NKAIN4: variants seen among roughly 807,000 people sequenced by gnomAD.
The protein encoded by NKAIN4 is sodium/potassium-transporting ATPase subunit beta-1-interacting protein 4.
NKAIN4 carries 28 observed loss-of-function variants against 28.8 expected under a neutral mutation model. The ratio of observed to expected loss-of-function variants is 0.97; its 90% CI spans 0.72 to 1.33. The LOEUF (loss-of-function observed/expected upper bound fraction) is 1.33, where lower values mean the gene tolerates loss of function less well. Among genes scored for constraint, NKAIN4 ranks in the 40% most tolerant of loss-of-function variants. The pLI, the probability that NKAIN4 is intolerant of heterozygous loss-of-function variation, is 0.00. For synonymous variants in NKAIN4, 122 were observed against 115.6 expected, an observed-to-expected ratio of 1.06 and a Z score of -0.36; for missense variants, 289 against 277.2, an observed-to-expected ratio of 1.04 and a Z score of -0.30.
At chr20:63,253,665 G>A (rs987135922) in intron 1 of NKAIN4, among the ~76,000 whole-genome samples, 2 of 152,184 alleles carry the variant, frequency 1.3e-5, no homozygotes, top group South Asian at 4.1e-4. Context: ...ACCGGGCTCC[G>A]GGAAAGAATC....
At chr20:63,254,368 A>T in intron 1 of NKAIN4, 29 bp downstream of exon 1, 1 of 1,436,658 alleles carries the variant, frequency 7.0e-7, no homozygotes, top group South Asian at 1.4e-5. Flanking sequence ...CGGGGGCTCC[A>T]GGAGGCTCGC....
chr20:63,241,654 G>T, intron 6 of NKAIN4, 148 bp from the exon 7 acceptor site: 1 of 747,644 alleles, frequency 1.3e-6, no homozygotes, highest in Non-Finnish European at 2.4e-6. Context: ...AGATGGGTGG[G>T]ACTGAGGCTC....
At chr20:63,253,706 C>G (rs1225184699) in intron 1 of NKAIN4, among the ~76,000 whole-genome samples, 1 of 152,192 alleles carries the variant, frequency 6.6e-6, no homozygotes, top group African/African-American at 2.4e-5. Flanking sequence ...GAGCTTCGGA[C>G]TCCGGGGCAG....
At chr20:63,253,077 T>A (rs1320975931) in intron 1 of NKAIN4, 2 of 377,158 alleles carry the variant, frequency 5.3e-6, no homozygotes, top group Non-Finnish European at 7.3e-6. Flanking sequence ...TGGGGTACCG[T>A]CCAGGCTGGT....
Position 63,247,767 on chromosome 20 carries a change from C to G in NKAIN4, c.282G>C (p.Glu94Asp). ...GCCGGGAGAGGCTGAAGGTCAGTAG[C>G]TCGCTGTCCTAGGGGAGAGGTGCAG... The part of the protein sequence containing the change: ...LEVGGLLKDS[E>D]LLTFSLSRHR... Residue 94 changes from glutamate to aspartate, a missense_variant, in exon 4 of 7, where the codon GAG becomes GAC. Glu to Asp is a conservative substitution (Grantham distance 45). Transcript: ENST00000370316. 1 of 1,461,746 alleles carries G rather than the reference C, an allele frequency of 6.8e-7. No individual in the cohort carries two copies. The highest frequency in any genetic ancestry group is 9.1e-7 in the Non-Finnish European group (1 of 1,102,272). The allele number at this position is 1,461,746 out of a possible 1,614,324, so 90.5% of individuals were successfully genotyped here.
chr20:63,246,861 GGAGCTGAGGCACACGGA>G, intron 4 of NKAIN4: 1 of 985,348 alleles, frequency 1.0e-6, no homozygotes, highest in African/African-American at 1.7e-5. Context: ...TACAGAGGCG[GGAGCTGAGGCACACGGA>G]GGTTGTTAGG....
intron 3 of NKAIN4, chr20:63,248,562 C>T: frequency 2.2e-6 from 1 of 461,036 alleles, no homozygotes; most frequent in South Asian, 2.3e-5. Flanking sequence ...CCCCTCTTCC[C>T]CAGCTGGAGC....
Position 63,248,712 on chromosome 20 carries a change from C to T in NKAIN4, c.273+103G>A, listed in dbSNP as rs2066903143. 6 of 754,874 alleles carry T rather than the reference C, an allele frequency of 7.9e-6. No individual in the cohort carries two copies. In the East Asian group the frequency reaches 1.1e-4, roughly 13 times the overall value. 46.8% of individuals were successfully genotyped at this position (754,874 alleles called of 1,614,324 possible). On this transcript the variant is annotated intron_variant, in intron 3 of 6. Coordinates refer to ENST00000370316, the MANE Select transcript of NKAIN4 (RefSeq NM_152864.4). ...GACAGAGCCATGCACAGACTGAGCCCCTGCCTCAGACGACAGATGAAAAGC... is the reference window on the plus strand; with the variant it reads ...GACAGAGCCATGCACAGACTGAGCCTCTGCCTCAGACGACAGATGAAAAGC...
intron 6 of NKAIN4, chr20:63,241,787 C>T (rs1275675923): frequency 1.6e-6 from 1 of 626,864 alleles, no homozygotes; most frequent in Admixed American, 2.2e-5. Flanking sequence ...CAGGGGTGTG[C>T]CTGGGTCCCT....
chr20:63,251,915 C>T (rs544496284), intron 1 of NKAIN4, among the ~76,000 whole-genome samples: 82 of 152,272 alleles, frequency 5.4e-4, no homozygotes, highest in Admixed American at 2.2e-3. Flanking sequence ...CACTAACCTA[C>T]GAGGAGGGAT....
Position 63,245,775 on chromosome 20 carries a change from C to T in NKAIN4, c.472-1691G>A, listed in dbSNP as rs971965044. Among the ~76,000 whole-genome samples the T allele has an allele frequency of 2.0e-5, 3 of 152,278 alleles. No homozygotes were observed. The highest frequency in any genetic ancestry group is 7.2e-5 in the African/African-American group (3 of 41,554). ...CTAGCTGGCTGGAATTTAGAAACTACATCCTATCAAAGAAATTCCCATCCC... is the reference window on the plus strand; with the variant it reads ...CTAGCTGGCTGGAATTTAGAAACTATATCCTATCAAAGAAATTCCCATCCC... On this transcript the variant is annotated intron_variant, in intron 4 of 6. Coordinates refer to ENST00000370316, the MANE Select transcript of NKAIN4 (RefSeq NM_152864.4). The surrounding 1 kb of genome is among the most constrained non-coding windows in gnomAD (Gnocchi z 4.7).
chr20:63,247,747 GA>G lies in NKAIN4; in HGVS notation c.301del (p.Ser101ProfsTer55). 6.8e-7 allele frequency: 1 copy of G among 1,480,550 alleles called. No individual in the cohort carries two copies. Among genetic ancestry groups the G allele is most frequent in the South Asian group, 1.4e-5 (1 of 71,714 alleles). The allele number at this position is 1,480,550 out of a possible 1,614,324, so 91.7% of individuals were successfully genotyped here. A position where few individuals can be genotyped will look rare whatever the true frequency, so the allele number is the denominator to read the frequency against. On this transcript the variant is annotated frameshift_variant, in exon 4 of 7. Transcript: ENST00000370316. LOFTEE classifies it high-confidence loss of function. ...KDSELLTFSL[S>X]RHRSWWRERW... The stretch of plus-strand genomic sequence containing the variant: ...CTCACGCCACCAGGAGCGATGCCGG[GA>G]GAGGCTGAAGGTCAGTAGCTCGCTG...
upstream of NKAIN4, chr20:63,254,525 G>GCC: frequency 9.1e-7 from 1 of 1,093,074 alleles, no homozygotes; most frequent in African/African-American, 1.6e-5. Context: ...CTCCCCACGC[G>GCC]CCGCAGCCTG....
chr20:63,246,571 A>T (rs2066861279), intron 4 of NKAIN4: 1 of 985,240 alleles, frequency 1.0e-6, no homozygotes, highest in Non-Finnish European at 1.2e-6. Flanking sequence ...TTTGGAATTC[A>T]GCTCCCACCG....
chr20:63,247,167 GTGACCGGCA>G, intron 4 of NKAIN4: 1 of 1,125,340 alleles, frequency 8.9e-7, no homozygotes, highest in Non-Finnish European at 1.1e-6. Flanking sequence ...TCCACTTCCT[GTGACCGGCA>G]TGGGCTCGGG....
intron 4 of NKAIN4, among the ~76,000 whole-genome samples, 193 bp from the exon 5 acceptor site, chr20:63,244,277 C>T (rs2236187): frequency 0.5 from 75,435 of 151,774 alleles, 19,291 homozygotes; most frequent in East Asian, 0.84. Context: ...AAGCTCCGGA[C>T]GCACCCCTGC....
intron 4 of NKAIN4, chr20:63,246,978 C>T (rs2066870014): frequency 1.8e-5 from 18 of 994,540 alleles, no homozygotes; most frequent in Non-Finnish European, 1.9e-5. Flanking sequence ...CGTGCAGGGC[C>T]GGAGAGGACG....
At chr20:63,250,150 G>C (rs1161334038) in intron 1 of NKAIN4, 78 bp from the exon 2 acceptor site, 4 of 1,466,302 alleles carry the variant, frequency 2.7e-6, no homozygotes, top group Admixed American at 2.5e-5. Flanking sequence ...GGGCCAAGGT[G>C]ACAGGATCTC....
intron 5 of NKAIN4, 162 bp downstream of exon 5, chr20:63,243,862 G>C: frequency 1.6e-6 from 1 of 612,778 alleles, no homozygotes; most frequent in Non-Finnish European, 2.9e-6. Context: ...CTGGTGTGTG[G>C]CGAGTCCTCG....
Sources: gnomAD v4.1 joint callset for allele counts (sites outside exome capture counted in the v4.1 genomes callset) on GRCh38, gnomAD v4.1.1 for gene constraint, Gnocchi (gnomAD v3.1) non-coding constraint, MANE v1.5 for transcripts, NCBI Gene and HGNC (gene_info 2026-07-23, HGNC 2026-07-21) for gene names.